The following DMAC1 variants were observed in gnomAD, a reference collection of about 807,000 sequenced individuals.
The protein encoded by DMAC1 is distal membrane arm assembly component 1, also known as distal membrane-arm assembly complex protein 1.
A neutral mutation model predicts 7.0 loss-of-function variants in DMAC1; 10 were observed. That is an observed-to-expected ratio of 1.43 (90% CI 0.88 to 2.43). The LOEUF (loss-of-function observed/expected upper bound fraction) is 2.43, where lower values mean the gene tolerates loss of function less well. Among genes scored for constraint, DMAC1 ranks in the 30% most tolerant of loss-of-function variants. DMAC1 has a pLI of 0.00. For synonymous variants in DMAC1, 92 were observed against 66.2 expected (o/e 1.39, Z -1.90); for missense variants, 219 against 158.7 (o/e 1.38, Z -2.04).
rs1181838196 is a variant in DMAC1 at position 7,797,774 on chromosome 9, G to C, written c.*799C>G. ...TCTTTTATTGTATGCTGATTTTTATGATTATCTAACTGTTTCATAATGGTT... is the reference window on the plus strand; with the variant it reads ...TCTTTTATTGTATGCTGATTTTTATCATTATCTAACTGTTTCATAATGGTT... On this transcript the variant is annotated 3_prime_UTR_variant, in exon 2 of 2. Transcript: ENST00000358227. 1 of 151,180 alleles carries C rather than the reference G, an allele frequency of 6.6e-6. No homozygotes were observed. Among genetic ancestry groups the C allele is most frequent in the Non-Finnish European group, 1.5e-5 (1 of 67,864 alleles). 9.4% of individuals were successfully genotyped at this position (151,180 alleles called of 1,614,324 possible).
chr9:7,799,518 TGG>T lies in DMAC1; in HGVS notation c.215_216del (p.Pro72HisfsTer87), dbSNP rs1818696598. 6.2e-7 allele frequency: 1 copy of T among 1,613,478 alleles called. No individual in the cohort carries two copies. Among genetic ancestry groups the T allele is most frequent in the African/African-American group, 1.3e-5 (1 of 74,880 alleles). ...GGYVYWVARK[P>X]MKMGYPPSPW... is the part of the protein sequence containing the mutation. The stretch of plus-strand genomic sequence containing the variant: ...GGACTCGGGGGGTATCCCATCTTCA[TGG>T]GCTTCCGTGCCACCCAGTACACGTA... On this transcript the variant is annotated frameshift_variant, in exon 1 of 2. Coordinates refer to ENST00000358227, the MANE Select transcript of DMAC1 (RefSeq NM_033428.3). LOFTEE classifies it high-confidence loss of function.
rs1818629373 is a variant in DMAC1 at position 7,797,383 on chromosome 9, A to G, written c.*1190T>C. The G allele has an allele frequency of 6.6e-6, 1 of 152,216 alleles. No homozygotes were observed. The allele number at this position is 152,216 out of a possible 1,614,324, so 9.4% of individuals were successfully genotyped here. A position where few individuals can be genotyped will look rare whatever the true frequency, so the allele number is the denominator to read the frequency against. On this transcript the variant is annotated 3_prime_UTR_variant, in exon 2 of 2. Coordinates refer to ENST00000358227, the MANE Select transcript of DMAC1 (RefSeq NM_033428.3). ...TCTGATGTAGAAAATACAAGATTCT[A>G]AAGTCATCTGTGAGGCTAAATAGAC...
In DMAC1 at chr9:7,799,749, C is replaced by T. The variant is rs112595762; in HGVS notation, c.-15G>A. The T allele has an allele frequency of 3.8e-4, 573 of 1,507,940 alleles. 4 individuals carry two copies. The African/African-American group carries it at 6.0e-3, about 16-fold the overall frequency. The allele number at this position is 1,507,940 out of a possible 1,614,324, so 93.4% of individuals were successfully genotyped here. A position where few individuals can be genotyped will look rare whatever the true frequency, so the allele number is the denominator to read the frequency against. On this transcript the variant is annotated 5_prime_UTR_variant, in exon 1 of 2. Transcript: ENST00000358227. ...CGAGACCCCATGCTCTGGAACTCGGCCTCAACCTTGGGCGTCTTTGGTTCA... is the reference window on the plus strand; with the variant it reads ...CGAGACCCCATGCTCTGGAACTCGGTCTCAACCTTGGGCGTCTTTGGTTCA...
rs1007689724 is a variant in DMAC1 at position 7,797,152 on chromosome 9, T to C, written c.*1421A>G. 2.0e-5 allele frequency: 3 copies of C among 152,216 alleles called. No homozygotes were observed. Among genetic ancestry groups the C allele is most frequent in the African/African-American group, 4.8e-5 (2 of 41,442 alleles). 9.4% of individuals were successfully genotyped at this position (152,216 alleles called of 1,614,324 possible). A position where few individuals can be genotyped will look rare whatever the true frequency, so the allele number is the denominator to read the frequency against. On this transcript the variant is annotated 3_prime_UTR_variant, in exon 2 of 2. Transcript: ENST00000358227. ...TTTTAAACCAGGGAACAACTTGTCT[T>C]TGTAGGTATTTTAGGTATATGAATG... is the stretch of plus-strand genomic sequence containing the variant.
At chr9:7,798,798 A>G (rs1818673982) in intron 1 of DMAC1, among the ~76,000 whole-genome samples, 161 bp from the exon 2 acceptor site, 1 of 152,210 alleles carries the variant, frequency 6.6e-6, no homozygotes, top group South Asian at 2.1e-4. Context: ...AGAAAAAAAA[A>G]TCAGGAAAAA....
Position 7,797,635 on chromosome 9 carries a change from T to G in DMAC1, c.*938A>C, listed in dbSNP as rs1463621376. On this transcript the variant is annotated 3_prime_UTR_variant, in exon 2 of 2. Transcript: ENST00000358227. ...CTCTTAGAAATGAACTATGTAATTT[T>G]GAGTACTTATCTCAAAATCATCACA... The G allele has an allele frequency of 6.6e-6, 1 of 152,172 alleles. No individual in the cohort carries two copies. The highest frequency in any genetic ancestry group is 1.5e-5 in the Non-Finnish European group (1 of 68,036). 9.4% of individuals were successfully genotyped at this position (152,172 alleles called of 1,614,324 possible). A position where few individuals can be genotyped will look rare whatever the true frequency, so the allele number is the denominator to read the frequency against.
chr9:7,798,944 A>G (rs1373204995), intron 1 of DMAC1, among the ~76,000 whole-genome samples: 1 of 152,184 alleles, frequency 6.6e-6, no homozygotes, highest in Non-Finnish European at 1.5e-5. Context: ...CATCTTGACG[A>G]TCACAGAACG....
At position 7,797,153 on chromosome 9, in the gene DMAC1, T is replaced by G. The variant is rs1422911814; in HGVS notation, c.*1420A>C. 6.6e-6 allele frequency: 1 copy of G among 152,236 alleles called. No individual in the cohort carries two copies. Among genetic ancestry groups the G allele is most frequent in the Non-Finnish European group, 1.5e-5 (1 of 68,036 alleles). 9.4% of individuals were successfully genotyped at this position (152,236 alleles called of 1,614,324 possible). Reference sequence around the variant, plus strand: ...TTTAAACCAGGGAACAACTTGTCTTTGTAGGTATTTTAGGTATATGAATGA... The same window carrying G: ...TTTAAACCAGGGAACAACTTGTCTTGGTAGGTATTTTAGGTATATGAATGA... On this transcript the variant is annotated 3_prime_UTR_variant, in exon 2 of 2. Coordinates refer to ENST00000358227, the MANE Select transcript of DMAC1 (RefSeq NM_033428.3).
In DMAC1 at chr9:7,796,597, CA is replaced by C. The variant is rs1248102856; in HGVS notation, c.*1975del. 6.6e-6 allele frequency: 1 copy of C among 152,122 alleles called. No homozygotes were observed. The highest frequency in any genetic ancestry group is 1.5e-5 in the Non-Finnish European group (1 of 68,022). 9.4% of individuals were successfully genotyped at this position (152,122 alleles called of 1,614,324 possible). On this transcript the variant is annotated 3_prime_UTR_variant, in exon 2 of 2. Transcript: ENST00000358227. ...AAATGCTATTACAATACAGTTGACC[CA>C]AACAACACAGGTTTGAACTGCGCAG...
rs372594498 is a variant in DMAC1, at chr9:7,799,748, G to A, written c.-14C>T. 1.4e-4 allele frequency: 215 copies of A among 1,508,208 alleles called. 1 individual carries two copies. Among genetic ancestry groups the A allele is most frequent in the Non-Finnish European group, 1.8e-4 (209 of 1,133,776 alleles). The allele number at this position is 1,508,208 out of a possible 1,614,324, so 93.4% of individuals were successfully genotyped here. On this transcript the variant is annotated 5_prime_UTR_variant, in exon 1 of 2. Coordinates refer to ENST00000358227, the MANE Select transcript of DMAC1 (RefSeq NM_033428.3). ...CCGAGACCCCATGCTCTGGAACTCG[G>A]CCTCAACCTTGGGCGTCTTTGGTTC... is the stretch of plus-strand genomic sequence containing the variant.
chr9:7,799,483 A>G lies in DMAC1; in HGVS notation c.252T>C (p.Ile84=). 6.2e-7 allele frequency: 1 copy of G among 1,612,874 alleles called. No individual in the cohort carries two copies. The highest frequency in any genetic ancestry group is 8.5e-7 in the Non-Finnish European group (1 of 1,179,974). Residue 84 remains isoleucine (I), a synonymous_variant, in exon 1 of 2, where the codon ATT becomes ATC. Transcript: ENST00000358227. ...KMGYPPSPWT[I]TQMVIGLSIA... is the part of the protein sequence containing the mutation. ...CACTGAGGCCGATGACCATCTGCGT[A>G]ATGGTCCATGGACTCGGGGGGTATC...
At position 7,797,949 on chromosome 9, in the gene DMAC1, G is replaced by T. The variant is rs2129797177; in HGVS notation, c.*624C>A. 1 of 152,314 alleles carries T rather than the reference G, an allele frequency of 6.6e-6. No homozygotes were observed. Among genetic ancestry groups the T allele is most frequent in the East Asian group, 1.9e-4 (1 of 5,178 alleles). The allele number at this position is 152,314 out of a possible 1,614,324, so 9.4% of individuals were successfully genotyped here. A position where few individuals can be genotyped will look rare whatever the true frequency, so the allele number is the denominator to read the frequency against. Reference sequence around the variant, plus strand: ...TACCTCCAATGAAGTAACTACCTCAGACTAGCTGTGAAGCTCTCATAAGGT... The same window carrying T: ...TACCTCCAATGAAGTAACTACCTCATACTAGCTGTGAAGCTCTCATAAGGT... On this transcript the variant is annotated 3_prime_UTR_variant, in exon 2 of 2. Coordinates refer to ENST00000358227, the MANE Select transcript of DMAC1 (RefSeq NM_033428.3).
rs1307138421 is a variant in DMAC1 at position 7,798,017 on chromosome 9, A to C, written c.*556T>G. On this transcript the variant is annotated 3_prime_UTR_variant, in exon 2 of 2. Coordinates refer to ENST00000358227, the MANE Select transcript of DMAC1 (RefSeq NM_033428.3). ...CTTGCAAAGTATCAGCAATTCATAC[A>C]CAGAAAATTTCACGTACTTCTATAT... The C allele has an allele frequency of 6.6e-6, 1 of 152,316 alleles. No homozygotes were observed. Among genetic ancestry groups the C allele is most frequent in the Non-Finnish European group, 1.5e-5 (1 of 68,130 alleles). 9.4% of individuals were successfully genotyped at this position (152,316 alleles called of 1,614,324 possible).
chr9:7,798,581 C>T lies in DMAC1; in HGVS notation c.331G>A (p.Val111Ile), dbSNP rs371607535. The change falls in exon 2 of 2, where the codon GTT becomes ATT. Residue 111 changes from valine (V) to isoleucine (I), a missense_variant. By Grantham distance (29) the Val-to-Ile change is conservative. Coordinates refer to ENST00000358227, the MANE Select transcript of DMAC1 (RefSeq NM_033428.3). ...ATTCACTGGTGGTACTTTCAAACAA[C>T]GCGGTAGGCCTTCCCTTTGGGGTCT... is the stretch of plus-strand genomic sequence containing the variant. Reference protein sequence around the residue: ...MADPKGKAYRVV With the variant: ...MADPKGKAYRIV 3.0e-5 allele frequency: 48 copies of T among 1,612,562 alleles called. No individual in the cohort carries two copies. Among genetic ancestry groups the T allele is most frequent in the Middle Eastern group, 1.6e-4 (1 of 6,080 alleles).
chr9:7,798,813 A>G (rs992507955), intron 1 of DMAC1, among the ~76,000 whole-genome samples, 176 bp from the exon 2 acceptor site: 1 of 152,218 alleles, frequency 6.6e-6, no homozygotes, highest in Non-Finnish European at 1.5e-5. Flanking sequence ...GAAAAAAAAG[A>G]ATATCCTGTA....
rs1188219764 is a variant in DMAC1, at chr9:7,797,562, C to T, written c.*1011G>A. On this transcript the variant is annotated 3_prime_UTR_variant, in exon 2 of 2. Coordinates refer to ENST00000358227, the MANE Select transcript of DMAC1 (RefSeq NM_033428.3). ...ACTTTATATACCTTTACAAAGAAGC[C>T]ATAGTATCTCAGGGTAGAAAAACCC... The T allele has an allele frequency of 6.6e-6, 1 of 152,108 alleles. No individual in the cohort carries two copies. Among genetic ancestry groups the T allele is most frequent in the Admixed American group, 6.5e-5 (1 of 15,270 alleles). The allele number at this position is 152,108 out of a possible 1,614,324, so 9.4% of individuals were successfully genotyped here.
At position 7,796,763 on chromosome 9, in the gene DMAC1, A is replaced by G. The variant is rs1293734364; in HGVS notation, c.*1810T>C. 3 of 135,598 alleles carry G rather than the reference A, an allele frequency of 2.2e-5. No homozygotes were observed. The highest frequency in any genetic ancestry group is 4.8e-5 in the Non-Finnish European group (3 of 62,874). The allele number at this position is 135,598 out of a possible 1,614,324, so 8.4% of individuals were successfully genotyped here. A position where few individuals can be genotyped will look rare whatever the true frequency, so the allele number is the denominator to read the frequency against. ...CACTTCTACCTAACGAATAGTGAAT[A>G]TATTACTTCCTTAATAACATTTTTT... On this transcript the variant is annotated 3_prime_UTR_variant, in exon 2 of 2. Transcript: ENST00000358227.
Position 7,796,879 on chromosome 9 carries a change from G to C in DMAC1, c.*1694C>G, listed in dbSNP as rs893877419. ...ATCAACTGCTTTATGTTATCAATAAGGCTTCCAGTCAATTGTAAACTAACT... is the reference window on the plus strand; with the variant it reads ...ATCAACTGCTTTATGTTATCAATAACGCTTCCAGTCAATTGTAAACTAACT... On this transcript the variant is annotated 3_prime_UTR_variant, in exon 2 of 2. Coordinates refer to ENST00000358227, the MANE Select transcript of DMAC1 (RefSeq NM_033428.3). The C allele has an allele frequency of 1.4e-5, 2 of 140,808 alleles. No individual in the cohort carries two copies. Among genetic ancestry groups the C allele is most frequent in the Non-Finnish European group, 3.2e-5 (2 of 62,690 alleles). 8.7% of individuals were successfully genotyped at this position (140,808 alleles called of 1,614,324 possible).
chr9:7,796,751 C>CGAA lies in DMAC1; in HGVS notation c.*1819_*1821dup, dbSNP rs1818608895. ...TTTAGGATGATTCACTTCTACCTAA[C>CGAA]GAATAGTGAATATATTACTTCCTTA... On this transcript the variant is annotated 3_prime_UTR_variant, in exon 2 of 2. Coordinates refer to ENST00000358227, the MANE Select transcript of DMAC1 (RefSeq NM_033428.3). 6.6e-6 allele frequency: 1 copy of CGAA among 150,466 alleles called. No homozygotes were observed. The highest frequency in any genetic ancestry group is 6.7e-5 in the Admixed American group (1 of 14,984). 9.3% of individuals were successfully genotyped at this position (150,466 alleles called of 1,614,324 possible). A position where few individuals can be genotyped will look rare whatever the true frequency, so the allele number is the denominator to read the frequency against.
Sources: gnomAD v4.1 joint callset for allele counts (sites outside exome capture counted in the v4.1 genomes callset) on GRCh38, gnomAD v4.1.1 for gene constraint, MANE v1.5 for transcripts, NCBI Gene and HGNC (gene_info 2026-07-23, HGNC 2026-07-21) for gene names.